The following SGMS2 variants were observed in gnomAD, a reference collection of about 807,000 sequenced individuals.
SGMS2 encodes the protein sphingomyelin synthase 2.
A neutral mutation model predicts 43.8 loss-of-function variants in SGMS2; 21 were observed. The observed-to-expected ratio is 0.48, with a 90% CI of 0.34 to 0.69. The LOEUF (loss-of-function observed/expected upper bound fraction) is 0.69. SGMS2 is among the 30% of genes least tolerant of loss of function. The pLI is 0.01. For missense variants in SGMS2, 384 were observed against 443.2 expected (o/e 0.87, Z 1.20); for synonymous variants, 167 against 160.6 (o/e 1.04, Z -0.30).
chr4:107,849,688 A>G (rs1306083325), intron 1 of SGMS2, among the ~76,000 whole-genome samples: 1 of 152,190 alleles, frequency 6.6e-6, no homozygotes, highest in African/African-American at 2.4e-5. Flanking sequence ...ATCAGAGTCC[A>G]GATTAAAACC....
At chr4:107,859,166 T>C (rs1416871477) in intron 2 of SGMS2, among the ~76,000 whole-genome samples, 1 of 152,174 alleles carries the variant, frequency 6.6e-6, no homozygotes, top group South Asian at 2.1e-4. Flanking sequence ...AAAATAAAAA[T>C]AGTTGCATTT....
intron 3 of SGMS2, among the ~76,000 whole-genome samples, chr4:107,899,049 C>G (rs1350597066): frequency 6.6e-6 from 1 of 152,138 alleles, no homozygotes; most frequent in Non-Finnish European, 1.5e-5. Context: ...AGATGGTCCT[C>G]AAATAAACCC....
At chr4:107,844,003 G>A (rs971442009) in intron 1 of SGMS2, among the ~76,000 whole-genome samples, 4 of 152,056 alleles carry the variant, frequency 2.6e-5, no homozygotes, top group African/African-American at 4.8e-5. Flanking sequence ...ATTCTTGATC[G>A]ATGAGTAGTT....
intron 4 of SGMS2, among the ~76,000 whole-genome samples, chr4:107,900,255 C>T (rs1200131498): frequency 2.0e-5 from 3 of 152,022 alleles, no homozygotes; most frequent in Admixed American, 6.6e-5. Context: ...GCCATGTGGA[C>T]GGCATGAGAG....
intron 1 of SGMS2, among the ~76,000 whole-genome samples, chr4:107,841,879 G>A (rs1216708242): frequency 1.3e-5 from 2 of 151,832 alleles, no homozygotes; most frequent in African/African-American, 4.8e-5. Context: ...TTGAACTCCT[G>A]GGCTCAAGTA....
At chr4:107,841,670 C>CT (rs371098745) in intron 1 of SGMS2, among the ~76,000 whole-genome samples, 211 of 150,508 alleles carry the variant, frequency 1.4e-3, no homozygotes, top group African/African-American at 4.5e-3. Flanking sequence ...TACTTATGGC[C>CT]TTTTTTTTTA....
rs529488590 is a variant in SGMS2 at position 107,827,113 on chromosome 4, A to G, written c.-327+1860A>G. On this transcript the variant is annotated intron_variant, in intron 1 of 6. Transcript: ENST00000690982. ...GGAGTATCAGTGAGAACTTTTTTTA[A>G]AAGTGATGCTTTGAGGTGAGATGTT... 2.0e-4 allele frequency among the ~76,000 whole-genome samples: 30 copies of G among 152,338 alleles called. 1 individual carries two copies. The highest frequency in any genetic ancestry group is 7.0e-4 in the African/African-American group (29 of 41,580).
At chr4:107,849,213 C>T (rs1421025581) in intron 1 of SGMS2, among the ~76,000 whole-genome samples, 1 of 152,024 alleles carries the variant, frequency 6.6e-6, no homozygotes, top group Non-Finnish European at 1.5e-5. Context: ...GCTGTGTCTA[C>T]AGGAGGGTAC....
intron 2 of SGMS2, among the ~76,000 whole-genome samples, chr4:107,875,468 A>G (rs1728841617): frequency 6.6e-6 from 1 of 152,166 alleles, no homozygotes; most frequent in Non-Finnish European, 1.5e-5. Context: ...GAACACATGG[A>G]CACATAGAGG....
At chr4:107,882,463 T>A (rs1729435995) in intron 2 of SGMS2, among the ~76,000 whole-genome samples, 1 of 152,206 alleles carries the variant, frequency 6.6e-6, no homozygotes. Context: ...CTATTAGATT[T>A]TTTCCTGTTG....
intron 1 of SGMS2, among the ~76,000 whole-genome samples, chr4:107,826,983 G>A (rs537464732): frequency 1.2e-4 from 19 of 152,224 alleles, no homozygotes; most frequent in Admixed American, 3.3e-4. Flanking sequence ...TCTGAGCTGT[G>A]TTCCTTTGAG....
chr4:107,857,054 CA>C (rs1238168714), intron 1 of SGMS2, among the ~76,000 whole-genome samples: 2 of 152,196 alleles, frequency 1.3e-5, no homozygotes, highest in Non-Finnish European at 2.9e-5. Context: ...TTGGCAACCA[CA>C]AATCTTTCTG....
chr4:107,865,811 A>C (rs983339425), intron 2 of SGMS2, among the ~76,000 whole-genome samples: 2 of 152,130 alleles, frequency 1.3e-5, no homozygotes, highest in Non-Finnish European at 2.9e-5. Flanking sequence ...CCCCACCCCC[A>C]TAGTCTCCTC....
intron 1 of SGMS2, among the ~76,000 whole-genome samples, chr4:107,857,472 T>G (rs1727487090): frequency 6.6e-6 from 1 of 151,836 alleles, no homozygotes; most frequent in Admixed American, 6.6e-5. Flanking sequence ...TGGTTGCACA[T>G]GAGTGTACAT....
intron 5 of SGMS2, among the ~76,000 whole-genome samples, chr4:107,904,061 A>G (rs1278321360): frequency 6.6e-6 from 1 of 152,192 alleles, no homozygotes; most frequent in Non-Finnish European, 1.5e-5. Context: ...GGCCAAAATC[A>G]TGTCTTGTTC....
chr4:107,902,236 C>T lies in SGMS2; in HGVS notation c.574-997C>T, dbSNP rs1168083034. 2.7e-5 allele frequency among the ~76,000 whole-genome samples: 4 copies of T among 148,740 alleles called. 1 individual carries two copies. In the South Asian group the frequency reaches 6.3e-4, roughly 23 times the overall value. On this transcript the variant is annotated intron_variant, in intron 4 of 6. Transcript: ENST00000690982. ...GCAGCCAAGTTGGTCTCTCCTGTAC[C>T]TAATGTGCCACCCATTGCACTCCAG...
At chr4:107,898,787 G>A (rs2126129355) in intron 3 of SGMS2, among the ~76,000 whole-genome samples, 1 of 152,314 alleles carries the variant, frequency 6.6e-6, no homozygotes, top group East Asian at 1.9e-4. Flanking sequence ...GCCTCAGGCT[G>A]AGGACTCAGG....
At chr4:107,855,870 A>C (rs1385572167) in intron 1 of SGMS2, among the ~76,000 whole-genome samples, 1 of 152,122 alleles carries the variant, frequency 6.6e-6, no homozygotes, top group East Asian at 1.9e-4. Flanking sequence ...GATTCTTTTA[A>C]GGACCTTGTT....
chr4:107,901,968 G>A (rs927616402), intron 4 of SGMS2, among the ~76,000 whole-genome samples: 14 of 150,824 alleles, frequency 9.3e-5, no homozygotes, highest in South Asian at 2.1e-4. Flanking sequence ...GTGCAATGGC[G>A]CAATCTTGGC....
Sources: allele counts gnomAD v4.1 joint callset (sites outside exome capture counted in the v4.1 genomes callset), GRCh38; gene constraint gnomAD v4.1.1; transcripts MANE v1.5; gene names NCBI Gene and HGNC (gene_info 2026-07-23, HGNC 2026-07-21).